The following ANXA2 variants were observed in gnomAD, a reference collection of about 807,000 sequenced individuals.
The protein encoded by ANXA2 is annexin A2.
ANXA2 carries 28 observed loss-of-function variants against 47.3 expected under a neutral mutation model. That is an observed-to-expected ratio of 0.59 (90% CI 0.44 to 0.81). The LOEUF (loss-of-function observed/expected upper bound fraction) is 0.81. Among genes scored for constraint, ANXA2 ranks in the 40% least tolerant of loss-of-function variants. The pLI, the probability that ANXA2 is intolerant of heterozygous loss-of-function variation, is 0.00. For synonymous variants in ANXA2, 172 were observed against 155.5 expected (o/e 1.11, Z -0.79); for missense variants, 384 against 414.3 (o/e 0.93, Z 0.64).
chr15:60,373,991 G>A (rs1206760342), intron 3 of ANXA2, among the ~76,000 whole-genome samples: 6 of 152,186 alleles, frequency 3.9e-5, no homozygotes, highest in African/African-American at 1.4e-4. Context: ...CATTGCACAG[G>A]GTGAAATGAG....
At chr15:60,362,182 C>T (rs1052236010) in intron 4 of ANXA2, among the ~76,000 whole-genome samples, 2 of 152,244 alleles carry the variant, frequency 1.3e-5, no homozygotes, top group Admixed American at 1.3e-4. Context: ...GCAGTAGCTC[C>T]CAATTATAAC....
At chr15:60,375,215 T>C (rs923911908) in intron 3 of ANXA2, among the ~76,000 whole-genome samples, 1 of 152,186 alleles carries the variant, frequency 6.6e-6, no homozygotes, top group African/African-American at 2.4e-5. Context: ...TATGCTTCTA[T>C]ACTTGCGCTT....
intron 1 of ANXA2, among the ~76,000 whole-genome samples, chr15:60,389,409 C>T (rs1453312421): frequency 6.6e-6 from 1 of 152,204 alleles, no homozygotes; most frequent in African/African-American, 2.4e-5. Context: ...TTCAAGTTGT[C>T]TTTCCAGCTC....
chr15:60,382,252 C>G, intron 3 of ANXA2, 90 bp downstream of exon 3: 2 of 981,386 alleles, frequency 2.0e-6, no homozygotes, highest in Non-Finnish European at 3.2e-6. Flanking sequence ...TTTCAAATCG[C>G]CAACGTATGG....
chr15:60,348,270 T>C (rs1895818177), intron 12 of ANXA2, among the ~76,000 whole-genome samples: 2 of 150,438 alleles, frequency 1.3e-5, no homozygotes, highest in Admixed American at 1.3e-4. Flanking sequence ...AAAGGGGAAT[T>C]GCAAGGGCTG....
chr15:60,364,484 C>A lies in ANXA2; in HGVS notation c.188G>T (p.Arg63Leu), dbSNP rs763951173. ...EVTIVNILTN[R>L]SNAQRQDIAF... ...AATATCCTGTCTCTGTGCATTGCTG[C>A]GGTTGGTCAAAATGTTGACAATGGT... Residue 63 changes from arginine to leucine, a missense_variant, in exon 4 of 13, where the codon CGC becomes CTC. Physicochemically the swap from Arg to Leu is moderately radical, Grantham distance 102. Coordinates refer to ENST00000451270, the MANE Select transcript of ANXA2 (RefSeq NM_004039.3). 9 of 1,612,962 alleles carry A rather than the reference C, an allele frequency of 5.6e-6. No individual in the cohort carries two copies. Among genetic ancestry groups the A allele is most frequent in the East Asian group, 2.2e-5 (1 of 44,856 alleles).
chr15:60,374,563 G>A (rs1416998998), intron 3 of ANXA2: 19 of 455,694 alleles, frequency 4.2e-5, no homozygotes, highest in Non-Finnish European at 7.5e-5. Context: ...AGAGCTAACT[G>A]TTTTTTAAAA....
intron 3 of ANXA2, among the ~76,000 whole-genome samples, chr15:60,382,084 G>A (rs537283150): frequency 6.1e-4 from 92 of 149,948 alleles, no homozygotes; most frequent in South Asian, 4.9e-3. Context: ...AAGGAAGGAA[G>A]AGCAGGAAGA....
At chr15:60,354,619 C>CAAAAAAAAAAAAAA (rs5813019) in intron 7 of ANXA2, among the ~76,000 whole-genome samples, 2 of 109,284 alleles carry the variant, frequency 1.8e-5, no homozygotes, top group Non-Finnish European at 3.5e-5. Flanking sequence ...GACTCTGTCT[C>CAAAAAAAAAAAAAA]AAAAAAAAAA....
At chr15:60,374,756 A>G in intron 3 of ANXA2, 1 of 453,772 alleles carries the variant, frequency 2.2e-6, no homozygotes. Flanking sequence ...GCTGTGACTC[A>G]GCACTGGCCT....
In ANXA2 at chr15:60,354,170, A is replaced by T; in HGVS notation, c.572T>A (p.Ile191Asn). ...EDGSVIDYEL[I>N]DQDARDLYDA... ...AGCACTTACCCGAGCATCTTGGTCA[A>T]TCAGTTCATAATCAATGACAGAGCC... is the stretch of plus-strand genomic sequence containing the variant. The change falls in exon 8 of 13, where the codon ATT becomes AAT. Residue 191 changes from isoleucine to asparagine, a missense_variant. Coordinates refer to ENST00000451270, the MANE Select transcript of ANXA2 (RefSeq NM_004039.3). 1 of 1,613,964 alleles carries T rather than the reference A, an allele frequency of 6.2e-7. No individual in the cohort carries two copies. The highest frequency in any genetic ancestry group is 1.1e-5 in the South Asian group (1 of 91,068).
At chr15:60,361,127 AG>A (rs1235596220) in intron 4 of ANXA2, 73 bp from the exon 5 acceptor site, 3 of 1,056,782 alleles carry the variant, frequency 2.8e-6, no homozygotes, top group Non-Finnish European at 4.4e-6. Context: ...CAAAAGTAAG[AG>A]GGATCTTTTT....
chr15:60,386,186 A>C (rs1030830951), intron 1 of ANXA2, 100 bp from the exon 2 acceptor site: 1 of 801,796 alleles, frequency 1.2e-6, no homozygotes, highest in South Asian at 1.7e-5. Flanking sequence ...GGACCATTTC[A>C]TCTGACGATA....
intron 1 of ANXA2, among the ~76,000 whole-genome samples, chr15:60,392,245 T>C (rs1404502664): frequency 6.6e-6 from 1 of 152,204 alleles, no homozygotes; most frequent in Non-Finnish European, 1.5e-5. Flanking sequence ...GCAAGGCTGA[T>C]CATTAATGAA....
rs372699178 is a variant in ANXA2, at chr15:60,361,007, C to T, written c.291G>A (p.Thr97=). Residue 97 remains threonine (T), a synonymous_variant, in exon 5 of 13, where the codon ACG becomes ACA. Coordinates refer to ENST00000451270, the MANE Select transcript of ANXA2 (RefSeq NM_004039.3). ...LKSALSGHLE[T]VILGLLKTPA... ...GTGTCTTCAATAGGCCCAAAATCAC[C>T]GTCTCCAGGTGGCCAGATAAGGCTG... 9 of 1,613,956 alleles carry T rather than the reference C, an allele frequency of 5.6e-6. No individual in the cohort carries two copies. Among genetic ancestry groups the T allele is most frequent in the Non-Finnish European group, 6.8e-6 (8 of 1,179,832 alleles).
Position 60,375,936 on chromosome 15 carries a change from C to T in ANXA2, c.148+6406G>A, listed in dbSNP as rs16942540. On this transcript the variant is annotated intron_variant, in intron 3 of 12. Coordinates refer to ENST00000451270, the MANE Select transcript of ANXA2 (RefSeq NM_004039.3). ...CAGGCTGAGAGGTAAATGGGAACTG[C>T]GCAGATGTTTGAGGTGGGGAGGAAG... Among the ~76,000 whole-genome samples, 1,153 of 152,124 alleles carry T rather than the reference C, an allele frequency of 7.6e-3. 13 individuals carry two copies. Among genetic ancestry groups the T allele is most frequent in the African/African-American group, 0.026 (1,086 of 41,484 alleles).
intron 3 of ANXA2, among the ~76,000 whole-genome samples, chr15:60,369,988 A>G (rs1468232586): frequency 1.3e-5 from 2 of 152,212 alleles, no homozygotes; most frequent in African/African-American, 4.8e-5. Context: ...CCTTCTTTCC[A>G]TAGCAGCTAA....
At chr15:60,370,131 A>G (rs1364541499) in intron 3 of ANXA2, among the ~76,000 whole-genome samples, 1 of 152,204 alleles carries the variant, frequency 6.6e-6, no homozygotes, top group Non-Finnish European at 1.5e-5. Context: ...TATTTTACCT[A>G]AATTATTTAC....
intron 1 of ANXA2, among the ~76,000 whole-genome samples, chr15:60,387,619 G>C (rs1411580057): frequency 6.6e-6 from 1 of 152,210 alleles, no homozygotes. Context: ...AAAAAGATCA[G>C]GGATTCAGGG....
Sources: allele counts gnomAD v4.1 joint callset (sites outside exome capture counted in the v4.1 genomes callset), GRCh38; gene constraint gnomAD v4.1.1; transcripts MANE v1.5; gene names NCBI Gene and HGNC (gene_info 2026-07-23, HGNC 2026-07-21).